The following STK32B variants were observed in gnomAD, a reference collection of about 807,000 sequenced individuals.
STK32B encodes serine/threonine kinase 32B.
In STK32B, 43 loss-of-function variants were observed where a neutral mutation model predicts 52.6. The ratio of observed to expected loss-of-function variants is 0.82; its 90% CI spans 0.64 to 1.05. STK32B has a LOEUF of 1.05. Ranked by LOEUF, STK32B falls within the 50% of genes least tolerant of loss-of-function variation. The pLI, the probability that STK32B is intolerant of heterozygous loss-of-function variation, is 0.00. For missense variants in STK32B, 621 were observed against 534.6 expected, an observed-to-expected ratio of 1.16 and a Z score of -1.59; for synonymous variants, 238 against 204.3, an observed-to-expected ratio of 1.17 and a Z score of -1.41.
At chr4:5,097,440 A>T (rs1335453185) in intron 1 of STK32B, among the ~76,000 whole-genome samples, 2 of 152,224 alleles carry the variant, frequency 1.3e-5, no homozygotes. Context: ...TTAGAAGGAT[A>T]CTGTTTCAAC....
intron 1 of STK32B, among the ~76,000 whole-genome samples, chr4:5,113,023 A>G (rs1370893712): frequency 1.3e-5 from 2 of 152,152 alleles, no homozygotes; most frequent in African/African-American, 4.8e-5. Flanking sequence ...TGTATAGTAG[A>G]TGAGATGGAG....
At chr4:5,316,187 A>G in intron 3 of STK32B, among the ~76,000 whole-genome samples, 1 of 101,216 alleles carries the variant, frequency 9.9e-6, no homozygotes. Flanking sequence ...AACTAAATAT[A>G]TATATTTAGA....
chr4:5,094,859 G>A (rs1484496086), intron 1 of STK32B, among the ~76,000 whole-genome samples: 1 of 152,078 alleles, frequency 6.6e-6, no homozygotes, highest in African/African-American at 2.4e-5. Flanking sequence ...CTTACTTTCT[G>A]CCCTCAATGA....
intron 3 of STK32B, among the ~76,000 whole-genome samples, chr4:5,244,211 G>A (rs551428535): frequency 1.2e-4 from 19 of 152,254 alleles, no homozygotes; most frequent in African/African-American, 4.6e-4. Flanking sequence ...TCTGGTCCTG[G>A]ACTTTTTTTG....
upstream of STK32B, among the ~76,000 whole-genome samples, chr4:5,050,717 G>T (rs565538885): frequency 1.2e-4 from 18 of 152,274 alleles, no homozygotes; most frequent in African/African-American, 4.3e-4. Context: ...AGCGTCCTGG[G>T]AACCCGCGCT....
At chr4:5,232,342 T>A (rs1420996992) in intron 3 of STK32B, among the ~76,000 whole-genome samples, 1 of 152,214 alleles carries the variant, frequency 6.6e-6, no homozygotes, top group Non-Finnish European at 1.5e-5. Context: ...ATGACATATT[T>A]AGAAATATGT....
At chr4:5,250,134 T>G (rs1396542115) in intron 3 of STK32B, among the ~76,000 whole-genome samples, 1 of 152,158 alleles carries the variant, frequency 6.6e-6, no homozygotes, top group East Asian at 1.9e-4. Flanking sequence ...ATATGTGCCA[T>G]ATTTTCTTTA....
chr4:5,242,403 T>C (rs1725101464), intron 3 of STK32B, among the ~76,000 whole-genome samples: 2 of 152,206 alleles, frequency 1.3e-5, no homozygotes, highest in Admixed American at 6.5e-5. Flanking sequence ...TCATATCCTT[T>C]GCCCACTTTT....
At chr4:5,224,056 G>A (rs1417768605) in intron 3 of STK32B, among the ~76,000 whole-genome samples, 2 of 152,098 alleles carry the variant, frequency 1.3e-5, no homozygotes, top group Non-Finnish European at 2.9e-5. Context: ...TCTCACCTTT[G>A]AATCTCACGC....
chr4:5,176,833 G>T (rs1719942630), intron 3 of STK32B, among the ~76,000 whole-genome samples: 1 of 152,064 alleles, frequency 6.6e-6, no homozygotes, highest in African/African-American at 2.4e-5. Flanking sequence ...ACAGGGCTGG[G>T]TATATAAGAA....
chr4:5,113,947 C>A (rs1183290686), intron 1 of STK32B, among the ~76,000 whole-genome samples: 1 of 152,046 alleles, frequency 6.6e-6, no homozygotes, highest in Non-Finnish European at 1.5e-5. Flanking sequence ...TAAAAACCAT[C>A]AGATCTTGTG....
upstream of STK32B, among the ~76,000 whole-genome samples, chr4:5,048,929 A>G (rs1013908570): frequency 2.6e-5 from 4 of 152,202 alleles, no homozygotes; most frequent in Non-Finnish European, 5.9e-5. Flanking sequence ...AGAGAAGTGA[A>G]GGGGTTGCCG....
At chr4:5,463,831 C>A (rs1717222221) in intron 9 of STK32B, among the ~76,000 whole-genome samples, 1 of 152,202 alleles carries the variant, frequency 6.6e-6, no homozygotes, top group African/African-American at 2.4e-5. Flanking sequence ...GTCTCCTACC[C>A]CTCCTTCAAG....
intron 4 of STK32B, among the ~76,000 whole-genome samples, chr4:5,348,910 G>T (rs563677967): frequency 4.6e-5 from 7 of 152,096 alleles, no homozygotes; most frequent in Non-Finnish European, 1.0e-4. Flanking sequence ...AGAGTCTGAG[G>T]TCAGGCCCAG....
At chr4:5,069,986 A>G (rs115695761) in intron 1 of STK32B, among the ~76,000 whole-genome samples, 2,049 of 152,312 alleles carry the variant, frequency 0.013, 42 homozygotes, top group African/African-American at 0.045. Flanking sequence ...AGTGTGCAGC[A>G]CTTAGGAGGA....
chr4:5,081,467 T>G (rs1172574710), intron 1 of STK32B, among the ~76,000 whole-genome samples: 1 of 152,188 alleles, frequency 6.6e-6, no homozygotes, highest in African/African-American at 2.4e-5. Flanking sequence ...TGGCCTTTTC[T>G]CTCTCCTTTT....
chr4:5,484,604 G>A (rs1019646065), intron 11 of STK32B, among the ~76,000 whole-genome samples: 1 of 152,098 alleles, frequency 6.6e-6, no homozygotes, highest in Admixed American at 6.5e-5. Flanking sequence ...GGTTAATATT[G>A]TTACGTGTGA....
intron 2 of STK32B, among the ~76,000 whole-genome samples, chr4:5,143,477 C>T (rs1454836875): frequency 6.6e-6 from 1 of 152,168 alleles, no homozygotes; most frequent in African/African-American, 2.4e-5. Context: ...CTCCTTCTCA[C>T]ACTTCCTTGT....
At chr4:5,193,499 C>T (rs575255638) in intron 3 of STK32B, among the ~76,000 whole-genome samples, 1 of 152,314 alleles carries the variant, frequency 6.6e-6, no homozygotes, top group East Asian at 1.9e-4. Flanking sequence ...ATGGACCTTG[C>T]CTCCCAGGCG....
Sources: allele counts gnomAD v4.1 joint callset (sites outside exome capture counted in the v4.1 genomes callset), GRCh38; gene constraint gnomAD v4.1.1; transcripts MANE v1.5; gene names NCBI Gene and HGNC (gene_info 2026-07-23, HGNC 2026-07-21).